The following YAE1 variants were observed in gnomAD, a reference collection of about 807,000 sequenced individuals.
The protein encoded by YAE1 is YAE1 maturation factor of ABCE1.
Under a neutral mutation model 23.0 loss-of-function variants are expected in YAE1, and 22 were observed. The observed-to-expected ratio is 0.96, with a 90% CI of 0.68 to 1.37. The LOEUF (loss-of-function observed/expected upper bound fraction) is 1.37, where lower values mean the gene tolerates loss of function less well. YAE1 is among the 40% of genes most tolerant of loss of function. The pLI, the probability that YAE1 is intolerant of heterozygous loss-of-function variation, is 0.00. For synonymous variants in YAE1, 101 were observed against 97.0 expected (o/e 1.04, Z -0.24); for missense variants, 260 against 262.1 (o/e 0.99, Z 0.06).
At chr7:39,571,411 C>T (rs1177360029) in intron 2 of YAE1, among the ~76,000 whole-genome samples, 3 of 149,738 alleles carry the variant, frequency 2.0e-5, no homozygotes, top group Admixed American at 1.3e-4. Context: ...TTACACTGTC[C>T]TTGGTAGAGA....
chr7:39,576,784 G>A (rs1350240178), downstream of YAE1, among the ~76,000 whole-genome samples: 1 of 152,050 alleles, frequency 6.6e-6, no homozygotes, highest in African/African-American at 2.4e-5. Flanking sequence ...CATAGGTGGT[G>A]CTTGATGAGA....
chr7:39,571,213 C>T (rs1358733233), intron 2 of YAE1, among the ~76,000 whole-genome samples: 3 of 151,720 alleles, frequency 2.0e-5, no homozygotes, highest in Admixed American at 2.0e-4. Flanking sequence ...AACACAAATT[C>T]ATAAACTTTC....
At chr7:39,609,855 C>T in exon 3 of YAE1, 1 of 1,533,504 alleles carries the variant, frequency 6.5e-7, no homozygotes, top group Non-Finnish European at 8.7e-7. Flanking sequence ...GAGCCACCGC[C>T]GGCGTTTCAG....
exon 3 of YAE1, chr7:39,610,228 A>C (rs1791190648): frequency 1.7e-6 from 1 of 584,138 alleles, no homozygotes; most frequent in Non-Finnish European, 3.1e-6. Flanking sequence ...AAATTCACAC[A>C]TGAGCAGATT....
intron 2 of YAE1, among the ~76,000 whole-genome samples, chr7:39,607,853 G>C (rs1272436776): frequency 6.6e-6 from 1 of 152,180 alleles, no homozygotes; most frequent in Non-Finnish European, 1.5e-5. Flanking sequence ...ATTTTTAGTA[G>C]AGACGGGGTT....
At chr7:39,566,786 T>G in intron 1 of YAE1, 1 of 438,958 alleles carries the variant, frequency 2.3e-6, no homozygotes, top group Non-Finnish European at 4.1e-6. Flanking sequence ...CGACCAAAAT[T>G]AACTATGTGT....
At chr7:39,593,077 C>T (rs902393279) in intron 2 of YAE1, among the ~76,000 whole-genome samples, 1 of 145,310 alleles carries the variant, frequency 6.9e-6, no homozygotes, top group Non-Finnish European at 1.5e-5. Context: ...GGTACTAGTT[C>T]TTTCTCCTTT....
chr7:39,598,717 C>T (rs2115837053), intron 2 of YAE1, among the ~76,000 whole-genome samples: 1 of 149,360 alleles, frequency 6.7e-6, no homozygotes, highest in South Asian at 2.1e-4. Flanking sequence ...GTCAAGGCTG[C>T]AGTGAGCTAT....
At chr7:39,578,621 A>G (rs1480114553) in intron 2 of YAE1, among the ~76,000 whole-genome samples, 1 of 152,128 alleles carries the variant, frequency 6.6e-6, no homozygotes, top group African/African-American at 2.4e-5. Flanking sequence ...CTCACCGCGA[A>G]GGTCTGTAGC....
At chr7:39,611,433 G>T (rs188840835), downstream of YAE1, among the ~76,000 whole-genome samples, 351 of 152,342 alleles carry the variant, frequency 2.3e-3, 1 homozygote, top group African/African-American at 7.6e-3. Context: ...ATCAGAGTTT[G>T]CTCGGGGGCA....
At chr7:39,569,671 C>T in intron 1 of YAE1, 2 of 685,272 alleles carry the variant, frequency 2.9e-6, no homozygotes, top group African/African-American at 1.8e-5. Context: ...GATCCCCACA[C>T]TGGCAATCCA....
At chr7:39,573,268 T>G (rs994238494), downstream of YAE1, among the ~76,000 whole-genome samples, 3 of 151,720 alleles carry the variant, frequency 2.0e-5, no homozygotes, top group African/African-American at 7.3e-5. Context: ...TAATTAAAAG[T>G]AAGGACATTC....
intron 2 of YAE1, among the ~76,000 whole-genome samples, chr7:39,583,959 T>C (rs1322244354): frequency 6.6e-6 from 1 of 152,218 alleles, no homozygotes; most frequent in African/African-American, 2.4e-5. Flanking sequence ...CTATTATTAT[T>C]GTATTTTCTC....
intron 2 of YAE1, among the ~76,000 whole-genome samples, chr7:39,602,565 A>C (rs570473472): frequency 6.6e-6 from 1 of 152,372 alleles, no homozygotes; most frequent in East Asian, 1.9e-4. Context: ...ATCATAGAAA[A>C]AAATGTGTTA....
At chr7:39,571,344 G>T in intron 2 of YAE1, among the ~76,000 whole-genome samples, 1 of 143,430 alleles carries the variant, frequency 7.0e-6, no homozygotes. Context: ...GCCCAAGACA[G>T]TTCTTCCAAT....
intron 2 of YAE1, among the ~76,000 whole-genome samples, chr7:39,591,521 T>C (rs1390232780): frequency 6.6e-5 from 10 of 152,214 alleles, no homozygotes; most frequent in Admixed American, 6.5e-4. Context: ...AAAATAGACT[T>C]TATTTTTTGG....
At chr7:39,572,157 G>A in intron 2 of YAE1, 120 bp from the exon 3 acceptor site, 1 of 1,032,414 alleles carries the variant, frequency 9.7e-7, no homozygotes, top group East Asian at 2.6e-5. Context: ...TTATGAAAGA[G>A]GGGTTATGAA....
intron 2 of YAE1, among the ~76,000 whole-genome samples, chr7:39,607,994 C>T (rs756121763): frequency 6.6e-6 from 1 of 152,244 alleles, no homozygotes; most frequent in African/African-American, 2.4e-5. Flanking sequence ...TGTTTTTGGC[C>T]TTTCCTCTGC....
At chr7:39,605,427 A>C (rs914843486) in intron 2 of YAE1, among the ~76,000 whole-genome samples, 21 of 152,218 alleles carry the variant, frequency 1.4e-4, no homozygotes, top group African/African-American at 4.8e-4. Context: ...CCCTTGTCCA[A>C]ACAGTTGAAG....
Sources: allele counts gnomAD v4.1 joint callset (sites outside exome capture counted in the v4.1 genomes callset), GRCh38; gene constraint gnomAD v4.1.1; transcripts MANE v1.5; gene names NCBI Gene and HGNC (gene_info 2026-07-23, HGNC 2026-07-21).